Variants in MED13 observed in about 807,000 individuals in gnomAD.
MED13 encodes the protein mediator complex subunit 13, also known as mediator of RNA polymerase II transcription subunit 13.
MED13 carries 23 observed loss-of-function variants against 225.2 expected under a neutral mutation model. The observed-to-expected ratio is 0.10, with a 90% CI of 0.07 to 0.14. The LOEUF is 0.14. Among genes scored for constraint, MED13 ranks in the 10% least tolerant of loss-of-function variants. MED13 has a pLI of 1.00. For synonymous variants in MED13, 942 were observed against 889.2 expected, an observed-to-expected ratio of 1.06 and a Z score of -1.06; for missense variants, 2,197 against 2,594.5, an observed-to-expected ratio of 0.85 and a Z score of 3.33.
In MED13 at chr17:62,063,275, T is replaced by C; in HGVS notation, c.93A>G (p.Lys31=). The C allele has an allele frequency of 6.2e-7, 1 of 1,613,700 alleles. No homozygotes were observed. Among genetic ancestry groups the C allele is most frequent in the Non-Finnish European group, 8.5e-7 (1 of 1,179,794 alleles). The change falls in exon 2 of 30, where the codon AAA becomes AAG. Residue 31 remains lysine (K), a synonymous_variant. Transcript: ENST00000397786. ...AAGTTGGGCCTTGCCATACATATTTTTTCCACTTAATTCCTGTCAAGTCAG... is the reference window on the plus strand; with the variant it reads ...AAGTTGGGCCTTGCCATACATATTTCTTCCACTTAATTCCTGTCAAGTCAG... ...CLADLTGIKW[K]KYVWQGPTSA... is the part of the protein sequence containing the mutation.
At chr17:62,038,127 A>G (rs903785902) in intron 3 of MED13, among the ~76,000 whole-genome samples, 1 of 152,132 alleles carries the variant, frequency 6.6e-6, no homozygotes, top group Non-Finnish European at 1.5e-5. Flanking sequence ...AAAAACAGCC[A>G]GTCATGCCTG....
chr17:62,020,684 TC>T (rs1163679124), intron 8 of MED13, among the ~76,000 whole-genome samples: 116 of 140,624 alleles, frequency 8.2e-4, no homozygotes, highest in African/African-American at 2.6e-3. Context: ...TGGCCTGCTT[TC>T]TTTTTTTTTT....
At chr17:62,026,762 C>T (rs184311851) in intron 8 of MED13, among the ~76,000 whole-genome samples, 6 of 152,196 alleles carry the variant, frequency 3.9e-5, no homozygotes, top group Admixed American at 3.9e-4. Flanking sequence ...AATCACTGTA[C>T]AAAAATCACT....
intron 8 of MED13, among the ~76,000 whole-genome samples, chr17:62,017,839 A>G (rs1164725600): frequency 6.6e-6 from 1 of 152,258 alleles, no homozygotes; most frequent in Admixed American, 6.5e-5. Context: ...TAGTGCATAT[A>G]AAGCATTTCT....
chr17:61,987,979 G>A (rs2080263033), intron 11 of MED13, among the ~76,000 whole-genome samples: 1 of 151,804 alleles, frequency 6.6e-6, no homozygotes, highest in South Asian at 2.1e-4. Flanking sequence ...CTGGGCTCAA[G>A]CAATCTGCCC....
rs1356115939 is a variant in MED13, at chr17:62,015,968, T to A, written c.1284-4735A>T. On this transcript the variant is annotated intron_variant, in intron 8 of 29. Transcript: ENST00000397786. ...TATATATATATATTTTTTTTTTTTTTTTTTTTTTTTTTTTTAGTAGAGACC... is the reference window on the plus strand; with the variant it reads ...TATATATATATATTTTTTTTTTTTTATTTTTTTTTTTTTTTAGTAGAGACC... 5.2e-3 allele frequency among the ~76,000 whole-genome samples: 263 copies of A among 50,716 alleles called. 14 individuals carry two copies. Among genetic ancestry groups the A allele is most frequent in the East Asian group, 0.036 (23 of 642 alleles). The allele number at this position is 50,716 out of a possible 152,430, so 33.3% of individuals were successfully genotyped here.
chr17:62,059,514 C>T (rs1268079974), intron 2 of MED13, among the ~76,000 whole-genome samples: 1 of 152,208 alleles, frequency 6.6e-6, no homozygotes, highest in Non-Finnish European at 1.5e-5. Flanking sequence ...TTTTTAGTTA[C>T]CACCTGGGTC....
At chr17:62,047,402 C>T (rs1017674629) in intron 3 of MED13, among the ~76,000 whole-genome samples, 2 of 152,098 alleles carry the variant, frequency 1.3e-5, no homozygotes, top group Non-Finnish European at 2.9e-5. Context: ...ATGTCCTTTG[C>T]AGGGACATGG....
rs368225405 is a variant in MED13, at chr17:61,966,524, T to C, written c.4319A>G (p.Asp1440Gly). 1 of 1,613,962 alleles carries C rather than the reference T, an allele frequency of 6.2e-7. No individual in the cohort carries two copies. The highest frequency in any genetic ancestry group is 8.5e-7 in the Non-Finnish European group (1 of 1,179,888). ...TTTAGAAAATGCTTCATTGTTACCG[T>C]CAGCTGCCTGAGAAAACCATTCTGC... The part of the protein sequence containing the change: ...LVAEWFSQAA[D>G]GNNEAFSKLK... Residue 1440 changes from aspartate to glycine, a missense_variant, in exon 19 of 30, where the codon GAC becomes GGC. By Grantham distance (94) the Asp-to-Gly change is moderately conservative (BLOSUM62 -1). Transcript: ENST00000397786.
chr17:61,956,151 ATTAAAG>A (rs1275366988), intron 24 of MED13, among the ~76,000 whole-genome samples, 182 bp downstream of exon 24: 1 of 152,242 alleles, frequency 6.6e-6, no homozygotes, highest in Non-Finnish European at 1.5e-5. Flanking sequence ...TAAGACTGAT[ATTAAAG>A]TTAAAATAAG....
Position 61,984,870 on chromosome 17 carries a change from A to G in MED13, c.2477-5T>C. 3 of 1,602,328 alleles carry G rather than the reference A, an allele frequency of 1.9e-6. No homozygotes were observed. The highest frequency in any genetic ancestry group is 2.6e-6 in the Non-Finnish European group (3 of 1,173,304). On this transcript the variant is annotated splice_polypyrimidine_tract_variant and splice_region_variant and intron_variant, in intron 13 of 29. Transcript: ENST00000397786. ...TTTTATGAAGATCTGCAGTGCCTAT[A>G]TTTAATAAAAACATACATTTTAACA...
In MED13 at chr17:61,972,813, T is replaced by C. The variant is rs1422919896; in HGVS notation, c.3881A>G (p.Gln1294Arg). The C allele has an allele frequency of 1.2e-6, 2 of 1,614,010 alleles. No homozygotes were observed. The highest frequency in any genetic ancestry group is 1.7e-5 in the Admixed American group (1 of 59,990). The change falls in exon 17 of 30, where the codon CAG becomes CGG. Residue 1294 changes from glutamine to arginine, a missense_variant. By Grantham distance (43) the Gln-to-Arg change is conservative. Coordinates refer to ENST00000397786, the MANE Select transcript of MED13 (RefSeq NM_005121.3). ...SLQPVLQDAI[Q>R]KKRTVRPWGV... ...CCAAGGTCTTACTGTTCTTTTTTTC[T>C]GAATGGCATCCTGAAGAACTGGCTG...
intron 4 of MED13, 139 bp downstream of exon 4, chr17:62,035,324 G>A (rs560099190): frequency 1.2e-6 from 1 of 806,590 alleles, no homozygotes; most frequent in African/African-American, 1.8e-5. Context: ...TAATGGGGAA[G>A]GAAAAAGTAA....
In MED13 at chr17:62,029,918, T is replaced by C. The variant is rs372700882; in HGVS notation, c.1105A>G (p.Arg369Gly). 3 of 1,613,980 alleles carry C rather than the reference T, an allele frequency of 1.9e-6. No homozygotes were observed. The African/African-American group carries it at 4.0e-5, about 22-fold the overall frequency. The change falls in exon 7 of 30, where the codon AGA (arginine) becomes GGA (glycine). Residue 369 changes from arginine to glycine, a missense_variant. Arg to Gly is a moderately radical substitution (Grantham distance 125). Around this residue, in one of 12 missense-constraint regions of MED13, gnomAD observed 884 missense variants for 918.5 expected, o/e 0.96. Transcript: ENST00000397786. The stretch of plus-strand genomic sequence containing the variant: ...TCCACCACATGATTTGCTAATTTTC[T>C]GGGTATTTTCCCACCATGGTGGCTA... ...STSHHGGKIP[R>G]KLANHVVDRV...
At chr17:62,015,946 ATATATATATTTTTTTTTT>A (rs1254764533) in intron 8 of MED13, among the ~76,000 whole-genome samples, 29 of 13,582 alleles carry the variant, frequency 2.1e-3, no homozygotes, top group African/African-American at 6.2e-3. Flanking sequence ...ATATATATAT[ATATATATATTTTTTTTTT>A]TTTTTTTTTT....
In MED13 at chr17:62,035,501, T is replaced by C. The variant is rs1260595388; in HGVS notation, c.578A>G (p.His193Arg). ...ATTAGACTGTTGAGCAAGGGTGATA[T>C]GCTCTTCACTGAGAAGGTATACAGG... is the stretch of plus-strand genomic sequence containing the variant. ...HQPVYLLSEEHITLAQQSNSP... is the reference protein window; with the variant it reads ...HQPVYLLSEERITLAQQSNSP... The change falls in exon 4 of 30, where the codon CAT becomes CGT. Residue 193 changes from histidine (H) to arginine (R), a missense_variant. His to Arg is a conservative substitution (Grantham distance 29). Transcript: ENST00000397786. 2 of 1,613,294 alleles carry C rather than the reference T, an allele frequency of 1.2e-6. No individual in the cohort carries two copies. Among genetic ancestry groups the C allele is most frequent in the Non-Finnish European group, 1.7e-6 (2 of 1,179,404 alleles).
In MED13 at chr17:61,952,945, A is replaced by AAT; in HGVS notation, c.6117+19_6117+20insAT. The AAT allele has an allele frequency of 6.2e-7, 1 of 1,605,900 alleles. No individual in the cohort carries two copies. Among genetic ancestry groups the AAT allele is most frequent in the Non-Finnish European group, 8.5e-7 (1 of 1,177,320 alleles). ...CCACTGCGCCCGGCCGAGAAAAACT[A>AAT]AAACTTGTAACACAGTTACCTTGCC... On this transcript the variant is annotated intron_variant, in intron 27 of 29. Coordinates refer to ENST00000397786, the MANE Select transcript of MED13 (RefSeq NM_005121.3).
At chr17:62,036,397 A>C (rs547996094) in intron 3 of MED13, among the ~76,000 whole-genome samples, 10 of 152,294 alleles carry the variant, frequency 6.6e-5, no homozygotes, top group Non-Finnish European at 1.2e-4. Flanking sequence ...TTGGAAAATA[A>C]AAGTTCCCAA....
intron 20 of MED13, 123 bp from the exon 21 acceptor site, chr17:61,963,094 T>C: frequency 1.4e-6 from 1 of 689,996 alleles, no homozygotes; most frequent in Non-Finnish European, 2.4e-6. Flanking sequence ...AAAGCCTCTC[T>C]AAAAATGAAG....
Sources: allele counts gnomAD v4.1 joint callset (sites outside exome capture counted in the v4.1 genomes callset), GRCh38; gene constraint gnomAD v4.1.1; regional missense constraint gnomAD v4.1.1; transcripts MANE v1.5; gene names NCBI Gene and HGNC (gene_info 2026-07-23, HGNC 2026-07-21).